The following DLGAP1 variants were observed in gnomAD, a reference collection of about 807,000 sequenced individuals.
DLGAP1 encodes DLG associated protein 1.
DLGAP1 carries 11 observed loss-of-function variants against 90.8 expected under a neutral mutation model. The observed-to-expected ratio is 0.12, with a 90% CI of 0.08 to 0.20. DLGAP1 has a LOEUF of 0.20. Among genes scored for constraint, DLGAP1 ranks in the 10% least tolerant of loss-of-function variants. The probability of loss-of-function intolerance (pLI) is 1.00; values close to 1 mark genes in which losing one functional copy is unlikely to be tolerated. For synonymous variants in DLGAP1, 558 were observed against 540.7 expected (o/e 1.03, Z -0.44); for missense variants, 1,050 against 1,333.8 (o/e 0.79, Z 3.31).
chr18:3,967,130 T>C (rs995750099), intron 3 of DLGAP1, among the ~76,000 whole-genome samples: 1 of 152,184 alleles, frequency 6.6e-6, no homozygotes, highest in African/African-American at 2.4e-5. Context: ...TTTTAATATG[T>C]CTGTGTAAAT....
chr18:3,686,072 G>C (rs2060693994), intron 7 of DLGAP1, among the ~76,000 whole-genome samples: 1 of 152,156 alleles, frequency 6.6e-6, no homozygotes, highest in Non-Finnish European at 1.5e-5. Flanking sequence ...AGCTACTTGG[G>C]AGGCTGAGGC....
intron 3 of DLGAP1, among the ~76,000 whole-genome samples, chr18:3,918,823 G>T (rs9966933): frequency 1.3e-5 from 2 of 152,008 alleles, no homozygotes; most frequent in Non-Finnish European, 2.9e-5. Flanking sequence ...CTGGAAAGAA[G>T]GGGGCAGATG....
chr18:3,593,315 A>G (rs1181547320), intron 7 of DLGAP1, among the ~76,000 whole-genome samples: 3 of 152,222 alleles, frequency 2.0e-5, no homozygotes, highest in Non-Finnish European at 4.4e-5. Flanking sequence ...AAGGAGAGAA[A>G]TGCCACAAAA....
intron 12 of DLGAP1, among the ~76,000 whole-genome samples, chr18:3,500,718 G>A (rs1043926056): frequency 6.6e-5 from 10 of 152,036 alleles, no homozygotes; most frequent in South Asian, 2.1e-4. Flanking sequence ...ATTAAAAACC[G>A]TAAAAATCAA....
chr18:4,083,046 G>T (rs1472975084), intron 2 of DLGAP1, among the ~76,000 whole-genome samples: 1 of 152,048 alleles, frequency 6.6e-6, no homozygotes. Flanking sequence ...ATCCCCCAAA[G>T]GTTTCAAACT....
At chr18:4,417,680 A>G (rs116355018) in intron 1 of DLGAP1, among the ~76,000 whole-genome samples, 3,189 of 152,218 alleles carry the variant, frequency 0.021, 112 homozygotes, top group African/African-American at 0.073. Context: ...TCTTGGGCAC[A>G]GGAAAAAACC....
intron 4 of DLGAP1, among the ~76,000 whole-genome samples, chr18:3,855,666 T>C (rs2069597416): frequency 6.6e-6 from 1 of 152,018 alleles, no homozygotes; most frequent in Non-Finnish European, 1.5e-5. Context: ...CAGGCTGGAG[T>C]GTAATGGCAT....
intron 2 of DLGAP1, among the ~76,000 whole-genome samples, chr18:4,017,265 T>TCAGGG (rs1248714930): frequency 6.6e-6 from 1 of 152,112 alleles, no homozygotes; most frequent in Non-Finnish European, 1.5e-5. Context: ...AAAGTAGAAC[T>TCAGGG]CAGGGCAGGG....
chr18:3,503,076 A>G (rs1191655316), intron 11 of DLGAP1, among the ~76,000 whole-genome samples: 1 of 152,258 alleles, frequency 6.6e-6, no homozygotes, highest in Admixed American at 6.5e-5. Context: ...AAGGAATCTA[A>G]AATAAGATTA....
At chr18:3,857,636 C>T (rs1333807994) in intron 4 of DLGAP1, among the ~76,000 whole-genome samples, 2 of 152,112 alleles carry the variant, frequency 1.3e-5, no homozygotes, top group Non-Finnish European at 2.9e-5. Flanking sequence ...CCTTTACTCC[C>T]ACACTTTTCT....
At chr18:4,136,221 T>A (rs1225717092) in intron 2 of DLGAP1, among the ~76,000 whole-genome samples, 2 of 152,154 alleles carry the variant, frequency 1.3e-5, no homozygotes, top group African/African-American at 4.8e-5. Context: ...TGCAGACAAC[T>A]CTTCAATATA....
intron 4 of DLGAP1, among the ~76,000 whole-genome samples, chr18:3,858,564 C>G (rs1379118299): frequency 6.7e-6 from 1 of 150,304 alleles, no homozygotes; most frequent in Non-Finnish European, 1.5e-5. Flanking sequence ...ATATAAAACA[C>G]CTGATTGCAA....
chr18:3,696,723 G>C (rs1375234254), intron 7 of DLGAP1, among the ~76,000 whole-genome samples: 1 of 152,186 alleles, frequency 6.6e-6, no homozygotes, highest in Non-Finnish European at 1.5e-5. Flanking sequence ...AAGTGAGTTA[G>C]GGAGGAGTCC....
chr18:4,417,974 T>C (rs886081376), intron 1 of DLGAP1, among the ~76,000 whole-genome samples: 13 of 152,098 alleles, frequency 8.5e-5, no homozygotes, highest in Non-Finnish European at 1.6e-4. Context: ...AGACCTTCTC[T>C]AAGGTTCAGT....
intron 7 of DLGAP1, among the ~76,000 whole-genome samples, chr18:3,588,925 G>A (rs2056073878): frequency 6.6e-6 from 1 of 152,252 alleles, no homozygotes; most frequent in Non-Finnish European, 1.5e-5. Flanking sequence ...GCTTATGCCT[G>A]TAATCCTGGC....
chr18:4,107,394 G>A (rs1172576394), intron 2 of DLGAP1, among the ~76,000 whole-genome samples: 1 of 152,196 alleles, frequency 6.6e-6, no homozygotes, highest in Non-Finnish European at 1.5e-5. Flanking sequence ...GATCGATGAA[G>A]AATACCGACC....
chr18:3,893,316 C>A (rs1000762863), intron 3 of DLGAP1, among the ~76,000 whole-genome samples: 1 of 151,994 alleles, frequency 6.6e-6, no homozygotes, highest in Non-Finnish European at 1.5e-5. Context: ...GTGGCTCATG[C>A]CTGTAATTCC....
intron 1 of DLGAP1, among the ~76,000 whole-genome samples, chr18:4,194,289 A>G (rs1351996285): frequency 6.6e-6 from 1 of 152,180 alleles, no homozygotes; most frequent in Non-Finnish European, 1.5e-5. Flanking sequence ...TAATTTCTTT[A>G]GGATAATGTT....
intron 2 of DLGAP1, among the ~76,000 whole-genome samples, chr18:4,114,914 C>A (rs930012034): frequency 9.9e-5 from 15 of 151,970 alleles, no homozygotes; most frequent in African/African-American, 3.6e-4. Context: ...ATAGTCTCTG[C>A]CTTTTGATTG....
Sources: gnomAD v4.1 joint callset for allele counts (sites outside exome capture counted in the v4.1 genomes callset) on GRCh38, gnomAD v4.1.1 for gene constraint, MANE v1.5 for transcripts, NCBI Gene and HGNC (gene_info 2026-07-23, HGNC 2026-07-21) for gene names.